PTPRN2: variants seen among roughly 807,000 people sequenced by gnomAD.
PTPRN2 encodes protein tyrosine phosphatase receptor type N2.
Under a neutral mutation model 118.8 loss-of-function variants are expected in PTPRN2, and 74 were observed. The observed-to-expected ratio is 0.62, with a 90% CI of 0.52 to 0.76. The LOEUF (loss-of-function observed/expected upper bound fraction) is 0.76, where lower values mean the gene tolerates loss of function less well. Ranked by LOEUF, PTPRN2 falls within the 30% of genes least tolerant of loss-of-function variation. The probability of loss-of-function intolerance (pLI) is 0.00; values close to 1 mark genes in which losing one functional copy is unlikely to be tolerated. For missense variants in PTPRN2, 1,481 were observed against 1,394.4 expected, an observed-to-expected ratio of 1.06 and a Z score of -0.99; for synonymous variants, 641 against 608.0, an observed-to-expected ratio of 1.05 and a Z score of -0.80.
At chr7:158,114,139 A>C (rs996765886) in intron 9 of PTPRN2, among the ~76,000 whole-genome samples, 1 of 152,224 alleles carries the variant, frequency 6.6e-6, no homozygotes, top group Non-Finnish European at 1.5e-5. Flanking sequence ...GAGTGGTTAC[A>C]GCAATGGAAA....
At chr7:158,369,956 AGC>A (rs1488522129) in intron 2 of PTPRN2, among the ~76,000 whole-genome samples, 5 of 152,222 alleles carry the variant, frequency 3.3e-5, no homozygotes, top group Non-Finnish European at 7.3e-5. Context: ...GTGTGGTCTC[AGC>A]GGGCAGGAGG....
At chr7:157,552,873 G>C (rs531688528) in intron 21 of PTPRN2, among the ~76,000 whole-genome samples, 1 of 152,310 alleles carries the variant, frequency 6.6e-6, no homozygotes, top group Non-Finnish European at 1.5e-5. Flanking sequence ...CTTTCCTCCC[G>C]TTTCCAGGGT....
At chr7:158,451,263 T>C (rs1371905277) in intron 2 of PTPRN2, among the ~76,000 whole-genome samples, 2 of 152,262 alleles carry the variant, frequency 1.3e-5, no homozygotes, top group East Asian at 1.9e-4. Flanking sequence ...GTCATTTACA[T>C]GTGTTGAAAA....
rs1414644311 is a variant in PTPRN2, at chr7:157,578,139, A to G, written c.2498T>C (p.Met833Thr). 6.2e-7 allele frequency: 1 copy of G among 1,607,010 alleles called. No homozygotes were observed. Among genetic ancestry groups the G allele is most frequent in the Admixed American group, 1.7e-5 (1 of 59,760 alleles). Residue 833 changes from methionine to threonine, a missense_variant and splice_region_variant, in exon 18 of 23, where the codon ATG (methionine) becomes ACG (threonine). Coordinates refer to ENST00000389418, the MANE Select transcript of PTPRN2 (RefSeq NM_002847.5). ...LPATVADFWQ[M>T]VWESGCVVIV... is the part of the protein sequence containing the mutation. ...CACCACGCAGCCGCTCTCCCACACC[A>G]TCTGCGGACAAAGAAGGCCCGTGGC...
intron 5 of PTPRN2, among the ~76,000 whole-genome samples, chr7:158,181,151 T>C (rs1824670830): frequency 6.6e-6 from 1 of 152,202 alleles, no homozygotes; most frequent in Non-Finnish European, 1.5e-5. Flanking sequence ...TATCATGAAG[T>C]GATGCTGGGT....
chr7:158,025,709 G>C (rs984367980), intron 11 of PTPRN2, among the ~76,000 whole-genome samples: 1 of 152,152 alleles, frequency 6.6e-6, no homozygotes, highest in Non-Finnish European at 1.5e-5. Context: ...ATAAAATATT[G>C]AACAAAAACT....
Position 158,435,691 on chromosome 7 carries a change from G to T in PTPRN2, c.163+54044C>A, listed in dbSNP as rs368018326. ...ACAACCCAAATGTCCATCAACAGAT[G>T]GATGGATGTTTTACATGTGGTATAT... On this transcript the variant is annotated intron_variant, in intron 2 of 22. Transcript: ENST00000389418. 1.1e-4 allele frequency among the ~76,000 whole-genome samples: 17 copies of T among 152,242 alleles called. No homozygotes were observed. In the East Asian group the frequency reaches 1.9e-3, roughly 17 times the overall value.
At position 157,544,527 on chromosome 7, in the gene PTPRN2, G is replaced by A. The variant is rs188583112; in HGVS notation, c.2977-3742C>T. Among the ~76,000 whole-genome samples the A allele has an allele frequency of 4.6e-4, 70 of 152,266 alleles. 1 individual carries two copies. Among genetic ancestry groups the A allele is most frequent in the Admixed American group, 3.1e-3 (48 of 15,304 alleles). On this transcript the variant is annotated intron_variant, in intron 22 of 22. Coordinates refer to ENST00000389418, the MANE Select transcript of PTPRN2 (RefSeq NM_002847.5). ...CACGGGCAGCACGTGGACATGCGAG[G>A]GGCCTCCCGTCCAGTGAGGAGGGGG...
chr7:158,085,081 TGCCCATCCACACCCACCAC>T (rs2128935521), intron 10 of PTPRN2, among the ~76,000 whole-genome samples: 1 of 84,186 alleles, frequency 1.2e-5, no homozygotes, highest in East Asian at 4.1e-4. Flanking sequence ...TCCACACAGA[TGCCCATCCACACCCACCAC>T]ACCCATCCAC....
intron 2 of PTPRN2, among the ~76,000 whole-genome samples, chr7:158,421,295 C>G (rs1166160472): frequency 6.6e-6 from 1 of 152,164 alleles, no homozygotes; most frequent in Non-Finnish European, 1.5e-5. Context: ...GTGACACCCA[C>G]CCTGGTAGGA....
At chr7:158,330,106 C>T (rs1281381593) in intron 2 of PTPRN2, among the ~76,000 whole-genome samples, 2 of 136,918 alleles carry the variant, frequency 1.5e-5, no homozygotes, top group Non-Finnish European at 3.2e-5. Context: ...CTCACACCCA[C>T]ACTCTCACCA....
intron 11 of PTPRN2, among the ~76,000 whole-genome samples, chr7:158,019,714 C>T (rs193180467): frequency 1.3e-5 from 2 of 151,338 alleles, no homozygotes; most frequent in East Asian, 1.9e-4. Context: ...TGTGTCCCCT[C>T]CAAGTCCCAC....
In PTPRN2 at chr7:158,517,145, CG is replaced by C. The variant is rs923574916; in HGVS notation, c.113-27361del. Among the ~76,000 whole-genome samples the C allele has an allele frequency of 2.6e-4, 40 of 152,320 alleles. No homozygotes were observed. Among genetic ancestry groups the C allele is most frequent in the Non-Finnish European group, 5.4e-4 (37 of 68,030 alleles). On this transcript the variant is annotated intron_variant, in intron 1 of 22. Coordinates refer to ENST00000389418, the MANE Select transcript of PTPRN2 (RefSeq NM_002847.5). This position sits in a 1 kb window ranked among gnomAD's most constrained non-coding sequence, Gnocchi z 5.3. ...AGGCCAGCAGGACAGAACAGTACAACGCTGGTTCCACAGTGTGGTCCTCACT... is the reference window on the plus strand; with the variant it reads ...AGGCCAGCAGGACAGAACAGTACAACCTGGTTCCACAGTGTGGTCCTCACT...
chr7:157,728,165 C>T (rs948421127), intron 12 of PTPRN2, among the ~76,000 whole-genome samples: 2 of 152,194 alleles, frequency 1.3e-5, no homozygotes, highest in South Asian at 2.1e-4. Context: ...CTGGGGTGTC[C>T]GGGTCCCACG....
In PTPRN2 at chr7:158,544,966, A is replaced by T. The variant is rs1244123086; in HGVS notation, c.112+42592T>A. On this transcript the variant is annotated intron_variant, in intron 1 of 22. Coordinates refer to ENST00000389418, the MANE Select transcript of PTPRN2 (RefSeq NM_002847.5). This position sits in a 1 kb window ranked among gnomAD's most constrained non-coding sequence, Gnocchi z 4.2. Reference sequence around the variant, plus strand: ...CCACGTGGAGCAGAGGGGCATCTGGAGCTCCTGCCCAGAAATGGGAAGGTG... The same window carrying T: ...CCACGTGGAGCAGAGGGGCATCTGGTGCTCCTGCCCAGAAATGGGAAGGTG... 1.3e-5 allele frequency among the ~76,000 whole-genome samples: 2 copies of T among 152,158 alleles called. No homozygotes were observed. Among genetic ancestry groups the T allele is most frequent in the Admixed American group, 6.5e-5 (1 of 15,270 alleles).
chr7:158,434,620 G>A (rs7787923), intron 2 of PTPRN2, among the ~76,000 whole-genome samples: 86,811 of 151,918 alleles, frequency 0.57, 25,392 homozygotes, highest in African/African-American at 0.67. Flanking sequence ...TTTGAGTGGA[G>A]TATTTATCTC....
At chr7:157,600,966 T>C (rs953655515) in intron 16 of PTPRN2, among the ~76,000 whole-genome samples, 2 of 152,220 alleles carry the variant, frequency 1.3e-5, no homozygotes, top group African/African-American at 4.8e-5. Flanking sequence ...TTTTTCTCCC[T>C]TAATAGACAG....
intron 3 of PTPRN2, among the ~76,000 whole-genome samples, chr7:158,302,390 C>T (rs544021606): frequency 6.6e-6 from 1 of 152,354 alleles, no homozygotes; most frequent in South Asian, 2.1e-4. Context: ...TGGGTCAACC[C>T]TGAAGGGGAA....
At chr7:158,193,403 C>G (rs551790486) in intron 4 of PTPRN2, among the ~76,000 whole-genome samples, 221 of 152,284 alleles carry the variant, frequency 1.5e-3, no homozygotes, top group African/African-American at 5.1e-3. Context: ...TGCAGCCACA[C>G]GGAAAGGAAG....
Sources: allele counts gnomAD v4.1 joint callset (sites outside exome capture counted in the v4.1 genomes callset), GRCh38; gene constraint gnomAD v4.1.1; non-coding constraint Gnocchi (gnomAD v3.1); transcripts MANE v1.5; gene names NCBI Gene and HGNC (gene_info 2026-07-23, HGNC 2026-07-21).